Variants in CCDC178 observed in about 807,000 individuals in gnomAD.
CCDC178 encodes coiled-coil domain-containing protein 178.
In CCDC178, 126 loss-of-function variants were observed where a neutral mutation model predicts 117.4. The observed-to-expected ratio is 1.07, with a 90% confidence interval of 0.93 to 1.24. The LOEUF (loss-of-function observed/expected upper bound fraction) is 1.24, where lower values mean the gene tolerates loss of function less well. CCDC178 is among the 50% of genes most tolerant of loss of function. The pLI, the probability that CCDC178 is intolerant of heterozygous loss-of-function variation, is 0.00. For missense variants in CCDC178, 1,030 were observed against 986.9 expected (o/e 1.04, Z -0.59); for synonymous variants, 283 against 313.4 (o/e 0.90, Z 1.02).
chr18:33,042,177 G>A (rs1225334115), intron 21 of CCDC178, among the ~76,000 whole-genome samples: 1 of 151,818 alleles, frequency 6.6e-6, no homozygotes, highest in Non-Finnish European at 1.5e-5. Flanking sequence ...TTGCCAGTTG[G>A]AAGATATACC....
intron 21 of CCDC178, among the ~76,000 whole-genome samples, chr18:33,057,335 G>A (rs1171205711): frequency 6.6e-6 from 1 of 152,160 alleles, no homozygotes; most frequent in East Asian, 1.9e-4. Flanking sequence ...TAAATACTAA[G>A]TGAAACATTG....
chr18:33,439,685 A>G (rs550988212), intron 2 of CCDC178, among the ~76,000 whole-genome samples: 3 of 152,324 alleles, frequency 2.0e-5, no homozygotes, highest in Non-Finnish European at 4.4e-5. Flanking sequence ...CCAAGAAACA[A>G]TATTTTGAGG....
At chr18:33,166,713 G>C (rs771972464) in intron 20 of CCDC178, among the ~76,000 whole-genome samples, 7 of 152,098 alleles carry the variant, frequency 4.6e-5, no homozygotes, top group Admixed American at 2.6e-4. Flanking sequence ...AATTAAACTA[G>C]CACATGTGTT....
intron 21 of CCDC178, among the ~76,000 whole-genome samples, chr18:33,054,921 CCA>C (rs1413426077): frequency 6.6e-6 from 1 of 152,166 alleles, no homozygotes; most frequent in East Asian, 1.9e-4. Context: ...CTCCACTTCT[CCA>C]CACCTCGCCA....
chr18:33,103,755 TAGAG>T (rs1182936340), intron 20 of CCDC178, among the ~76,000 whole-genome samples: 1 of 151,686 alleles, frequency 6.6e-6, no homozygotes, highest in Non-Finnish European at 1.5e-5. Context: ...TATAAGTAGA[TAGAG>T]AGGTCTGCTC....
At chr18:33,403,041 C>A (rs905263344) in intron 3 of CCDC178, among the ~76,000 whole-genome samples, 3 of 152,088 alleles carry the variant, frequency 2.0e-5, no homozygotes, top group African/African-American at 7.2e-5. Context: ...CATCTCTCAC[C>A]CATATAACCA....
intron 2 of CCDC178, among the ~76,000 whole-genome samples, chr18:33,429,556 G>A (rs190558308): frequency 6.6e-6 from 1 of 152,258 alleles, no homozygotes. Context: ...TATTTATGTT[G>A]TGAATGTGAA....
At chr18:33,343,713 A>G (rs1055244467) in intron 9 of CCDC178, among the ~76,000 whole-genome samples, 1 of 152,198 alleles carries the variant, frequency 6.6e-6, no homozygotes, top group Non-Finnish European at 1.5e-5. Context: ...AATCTGGAAG[A>G]CTGACCAGAA....
At chr18:33,371,112 T>C (rs2063291827) in intron 5 of CCDC178, among the ~76,000 whole-genome samples, 2 of 152,168 alleles carry the variant, frequency 1.3e-5, no homozygotes, top group South Asian at 4.1e-4. Context: ...AGATGGTAAA[T>C]ATTTTTGGTA....
chr18:33,396,964 T>C (rs868785451), intron 4 of CCDC178, among the ~76,000 whole-genome samples, 185 bp downstream of exon 4: 1 of 152,160 alleles, frequency 6.6e-6, no homozygotes, highest in Non-Finnish European at 1.5e-5. Flanking sequence ...ATGGAGTACA[T>C]AACATACACT....
intron 12 of CCDC178, 28 bp downstream of exon 12, chr18:33,293,130 AT>A (rs1315392749): frequency 8.3e-6 from 12 of 1,446,822 alleles, no homozygotes; most frequent in African/African-American, 2.9e-5. Context: ...AAAAATCAGT[AT>A]TTTTTATTTC....
intron 10 of CCDC178, among the ~76,000 whole-genome samples, chr18:33,330,263 G>A (rs1163717822): frequency 2.0e-5 from 3 of 152,052 alleles, no homozygotes; most frequent in African/African-American, 7.2e-5. Context: ...ATATTAGAGA[G>A]TTTTCATATT....
chr18:33,195,956 TTACCTAAA>T (rs1205592381), intron 20 of CCDC178, among the ~76,000 whole-genome samples: 19 of 152,292 alleles, frequency 1.2e-4, no homozygotes, highest in African/African-American at 4.1e-4. Flanking sequence ...TAGAGTTGAA[TTACCTAAA>T]GAGCAGTCTG....
intron 20 of CCDC178, among the ~76,000 whole-genome samples, chr18:33,204,800 A>C (rs1464079026): frequency 6.6e-6 from 1 of 152,156 alleles, no homozygotes; most frequent in Non-Finnish European, 1.5e-5. Context: ...ATATTATAAA[A>C]ATAATTATTG....
Position 33,228,929 on chromosome 18 carries a change from T to C in CCDC178, c.1594-2074A>G, listed in dbSNP as rs1599027340. On this transcript the variant is annotated intron_variant, in intron 15 of 22. Coordinates refer to ENST00000383096, the MANE Select transcript of CCDC178 (RefSeq NM_001105528.4). ...TGAATACTTTCAAAACACCACAGAGTACCCCAAAGACTGATACAGGGAGAG... is the reference window on the plus strand; with the variant it reads ...TGAATACTTTCAAAACACCACAGAGCACCCCAAAGACTGATACAGGGAGAG... Among the ~76,000 whole-genome samples, 2 of 152,044 alleles carry C rather than the reference T, an allele frequency of 1.3e-5. 1 individual carries two copies. The highest frequency in any genetic ancestry group is 3.9e-4 in the East Asian group (2 of 5,186).
At chr18:33,030,604 G>A (rs956218566) in intron 21 of CCDC178, among the ~76,000 whole-genome samples, 2 of 151,724 alleles carry the variant, frequency 1.3e-5, no homozygotes, top group Admixed American at 1.3e-4. Context: ...AGAATTTAAT[G>A]GGGAATTGGT....
chr18:33,078,994 G>A (rs924961207), intron 21 of CCDC178, among the ~76,000 whole-genome samples: 4 of 152,064 alleles, frequency 2.6e-5, no homozygotes, highest in Non-Finnish European at 4.4e-5. Flanking sequence ...AAAGAACAAA[G>A]GTGGAGGCAT....
chr18:33,262,094 A>T (rs529031255), intron 14 of CCDC178, among the ~76,000 whole-genome samples: 205 of 152,304 alleles, frequency 1.3e-3, no homozygotes, highest in African/African-American at 4.7e-3. Context: ...CCTATCAGAT[A>T]TTGGGGAAAT....
chr18:33,038,439 C>T (rs867615895), intron 21 of CCDC178, among the ~76,000 whole-genome samples: 8 of 151,808 alleles, frequency 5.3e-5, no homozygotes, highest in East Asian at 1.9e-4. Flanking sequence ...CCTTTCATGT[C>T]GATAGGTCAG....
Sources: allele counts gnomAD v4.1 joint callset (sites outside exome capture counted in the v4.1 genomes callset), GRCh38; gene constraint gnomAD v4.1.1; transcripts MANE v1.5; gene names NCBI Gene and HGNC (gene_info 2026-07-23, HGNC 2026-07-21).